SGO2: variants seen among roughly 807,000 people sequenced by gnomAD.
The protein encoded by SGO2 is shugoshin 2, also known as shugoshin-like 2.
SGO2 carries 68 observed loss-of-function variants against 99.5 expected under a neutral mutation model. That is an observed-to-expected ratio of 0.68 (90% confidence interval 0.56 to 0.84). SGO2 has a LOEUF of 0.84. Ranked by LOEUF, SGO2 falls within the 40% of genes least tolerant of loss-of-function variation. SGO2 has a pLI of 0.00. For synonymous variants in SGO2, 457 were observed against 487.1 expected (o/e 0.94, Z 0.81); for missense variants, 1,350 against 1,436.7 (o/e 0.94, Z 0.97).
intron 1 of SGO2, 77 bp from the exon 2 acceptor site, chr2:200,532,897 A>T: frequency 7.3e-7 from 1 of 1,378,372 alleles, no homozygotes; most frequent in Non-Finnish European, 9.9e-7. Flanking sequence ...CATGATTGTT[A>T]CTTTTTAAAA....
intron 4 of SGO2, among the ~76,000 whole-genome samples, 171 bp from the exon 5 acceptor site, chr2:200,542,408 A>G (rs2032004330): frequency 1.3e-5 from 2 of 152,238 alleles, no homozygotes; most frequent in South Asian, 2.1e-4. Context: ...GGCATGATTA[A>G]GGATGCACTG....
In SGO2 at chr2:200,526,834, A is replaced by C. The variant is rs887499648; in HGVS notation, c.-3+582A>C. On this transcript the variant is annotated intron_variant, in intron 1 of 8. Coordinates refer to ENST00000357799, the MANE Select transcript of SGO2 (RefSeq NM_152524.6). The surrounding 1 kb of genome is among the most constrained non-coding windows in gnomAD (Gnocchi z 4.8). ...GTGGAACTGAGTATTTCGTATTTAG[A>C]GATAGTCGAGATGCTGGCCGGACAA... 7.2e-5 allele frequency among the ~76,000 whole-genome samples: 11 copies of C among 152,104 alleles called. No individual in the cohort carries two copies. Among genetic ancestry groups the C allele is most frequent in the African/African-American group, 2.4e-4 (10 of 41,418 alleles).
intron 8 of SGO2, among the ~76,000 whole-genome samples, chr2:200,577,246 A>T (rs1203636537): frequency 7.0e-6 from 1 of 143,312 alleles, no homozygotes; most frequent in Non-Finnish European, 1.6e-5. Flanking sequence ...GTGATATTGC[A>T]TGGTGGTTTT....
intron 5 of SGO2, among the ~76,000 whole-genome samples, chr2:200,560,299 A>G (rs533205999): frequency 9.2e-5 from 14 of 152,072 alleles, no homozygotes; most frequent in Non-Finnish European, 1.9e-4. Flanking sequence ...GTTTGTTATA[A>G]TATTTCCATG....
Position 200,542,622 on chromosome 2 carries a change from G to T in SGO2, c.431G>T (p.Arg144Leu). ...CTACTGTCAGCTAGCAAGAAGAAAC[G>T]AATTAGTAAACAGTGCAAGTTGATG... ...SFLLSASKKK[R>L]ISKQCKLMRL... Residue 144 changes from arginine to leucine, a missense_variant, in exon 5 of 9, where the codon CGA (arginine) becomes CTA (leucine). Transcript: ENST00000357799. 1 of 1,612,774 alleles carries T rather than the reference G, an allele frequency of 6.2e-7. No individual in the cohort carries two copies. The highest frequency in any genetic ancestry group is 1.1e-5 in the South Asian group (1 of 90,992).
At chr2:200,546,402 C>T (rs1193825611) in intron 5 of SGO2, among the ~76,000 whole-genome samples, 1 of 122,606 alleles carries the variant, frequency 8.2e-6, no homozygotes, top group Non-Finnish European at 1.7e-5. Flanking sequence ...CAGATATATT[C>T]AATAAAATCC....
chr2:200,571,250 A>G lies in SGO2; in HGVS notation c.904A>G (p.Ser302Gly). 1 of 1,613,522 alleles carries G rather than the reference A, an allele frequency of 6.2e-7. No individual in the cohort carries two copies. ...AGTTTTAGATAAACAACACATTTCA[A>G]GTCCAGAATTAAATTGCAATAATGA... ...ATVLDKQHIS[S>G]PELNCNNEIN... The change falls in exon 7 of 9, where the codon AGT (serine) becomes GGT (glycine). Residue 302 changes from serine (S) to glycine (G), a missense_variant. Coordinates refer to ENST00000357799, the MANE Select transcript of SGO2 (RefSeq NM_152524.6).
intron 5 of SGO2, among the ~76,000 whole-genome samples, chr2:200,553,205 GC>G (rs1372294730): frequency 6.6e-6 from 1 of 152,136 alleles, no homozygotes; most frequent in African/African-American, 2.4e-5. Flanking sequence ...CATTAAGGAA[GC>G]CCATACTGCA....
At chr2:200,549,393 A>T (rs1332470045) in intron 5 of SGO2, among the ~76,000 whole-genome samples, 1 of 152,218 alleles carries the variant, frequency 6.6e-6, no homozygotes, top group African/African-American at 2.4e-5. Context: ...ATACTTCCAA[A>T]CTCACTCTAC....
chr2:200,540,201 T>C (rs1447459702), intron 4 of SGO2, among the ~76,000 whole-genome samples: 2 of 152,252 alleles, frequency 1.3e-5, no homozygotes, highest in East Asian at 1.9e-4. Context: ...GTCATCTCAG[T>C]GATGATATCT....
intron 5 of SGO2, among the ~76,000 whole-genome samples, chr2:200,566,694 T>G (rs550390792): frequency 2.4e-4 from 36 of 152,304 alleles, no homozygotes; most frequent in African/African-American, 8.2e-4. Context: ...CAGTCAGGCC[T>G]CCTTGAGCCG....
rs1204321351 is a variant in SGO2 at position 200,526,702 on chromosome 2, AGAACTTG to A, written c.-3+457_-3+463del. 2.0e-5 allele frequency among the ~76,000 whole-genome samples: 3 copies of A among 152,114 alleles called. No individual in the cohort carries two copies. The highest frequency in any genetic ancestry group is 2.9e-5 in the Non-Finnish European group (2 of 68,024). On this transcript the variant is annotated intron_variant, in intron 1 of 8. Coordinates refer to ENST00000357799, the MANE Select transcript of SGO2 (RefSeq NM_152524.6). This position sits in a 1 kb window ranked among gnomAD's most constrained non-coding sequence, Gnocchi z 4.8. ...GCGAAGGGGTGATGGAAGACTAGGG[AGAACTTG>A]GAACTTAGAACTTGAGCTGCTTGAT...
chr2:200,555,015 A>C (rs2032647185), intron 5 of SGO2, among the ~76,000 whole-genome samples: 1 of 152,228 alleles, frequency 6.6e-6, no homozygotes, highest in African/African-American at 2.4e-5. Context: ...GTTCTCACAC[A>C]CAACCTTTTT....
intron 8 of SGO2, among the ~76,000 whole-genome samples, chr2:200,577,163 T>C (rs2033696284): frequency 6.6e-6 from 1 of 152,210 alleles, no homozygotes; most frequent in Admixed American, 6.5e-5. Flanking sequence ...ATGATGATTT[T>C]TAAAAATTTC....
intron 1 of SGO2, among the ~76,000 whole-genome samples, chr2:200,527,570 C>T (rs1483773596): frequency 6.6e-6 from 1 of 152,176 alleles, no homozygotes; most frequent in Non-Finnish European, 1.5e-5. Flanking sequence ...ACCATCTTTC[C>T]GTTATTTGCT....
chr2:200,536,171 T>G (rs1319031047), intron 4 of SGO2, 29 bp downstream of exon 4: 1 of 1,370,132 alleles, frequency 7.3e-7, no homozygotes, highest in Non-Finnish European at 1.0e-6. Flanking sequence ...TAAATAGTGT[T>G]GTTCTTTAGA....
intron 5 of SGO2, among the ~76,000 whole-genome samples, chr2:200,565,419 G>T (rs1423435852): frequency 1.3e-5 from 2 of 152,206 alleles, no homozygotes; most frequent in African/African-American, 4.8e-5. Flanking sequence ...TAGAGTTTCT[G>T]CTGAGAGTTC....
chr2:200,579,268 T>TA (rs1273723310), intron 8 of SGO2, among the ~76,000 whole-genome samples: 2 of 152,236 alleles, frequency 1.3e-5, no homozygotes, highest in African/African-American at 4.8e-5. Flanking sequence ...ATCTCACTGA[T>TA]TGTCTTGAGT....
chr2:200,537,657 C>T (rs1280905882), intron 4 of SGO2, among the ~76,000 whole-genome samples: 1 of 152,074 alleles, frequency 6.6e-6, no homozygotes, highest in African/African-American at 2.4e-5. Flanking sequence ...TCTTGGACTT[C>T]TCTTTTCTAT....
Sources: gnomAD v4.1 joint callset for allele counts (sites outside exome capture counted in the v4.1 genomes callset) on GRCh38, gnomAD v4.1.1 for gene constraint, Gnocchi (gnomAD v3.1) non-coding constraint, MANE v1.5 for transcripts, NCBI Gene and HGNC (gene_info 2026-07-23, HGNC 2026-07-21) for gene names.